The following MRC2 variants were observed in gnomAD, a reference collection of about 807,000 sequenced individuals.
The protein encoded by MRC2 is C-type mannose receptor 2.
MRC2 carries 84 observed loss-of-function variants against 206.2 expected under a neutral mutation model. That is an observed-to-expected ratio of 0.41 (90% CI 0.34 to 0.49). MRC2 has a LOEUF of 0.49. MRC2 is among the 20% of genes least tolerant of loss of function. MRC2 has a pLI of 0.31. For missense variants in MRC2, 1,676 were observed against 2,001.5 expected, an observed-to-expected ratio of 0.84 and a Z score of 3.10; for synonymous variants, 798 against 800.0, an observed-to-expected ratio of 1.00 and a Z score of 0.04.
chr17:62,657,784 C>T (rs956852914), intron 1 of MRC2, among the ~76,000 whole-genome samples: 4 of 152,206 alleles, frequency 2.6e-5, no homozygotes, highest in African/African-American at 9.6e-5. Flanking sequence ...CGCCTTTTCT[C>T]TTTCCCCAGC....
At chr17:62,627,984 G>A in intron 1 of MRC2, 64 bp downstream of exon 1, 3 of 1,125,410 alleles carry the variant, frequency 2.7e-6, no homozygotes, top group Non-Finnish European at 3.5e-6. Flanking sequence ...GGCGCGGGCC[G>A]CTCTCGACTT....
At position 62,692,411 on chromosome 17, in the gene MRC2, T is replaced by C. The variant is rs1599001606; in HGVS notation, c.4400T>C (p.Ile1467Thr). Residue 1467 changes from isoleucine (I) to threonine (T), a missense_variant, in exon 30 of 30, where the codon ATC becomes ACC. By Grantham distance (89) the Ile-to-Thr change is moderately conservative. Transcript: ENST00000303375. This position sits in a 1 kb window ranked among gnomAD's most constrained non-coding sequence, Gnocchi z 4.2. ...SSPTEATEKN[I>T]LVSDMEMNEQ... is the part of the protein sequence containing the mutation. ...CCCACCGAGGCCACTGAGAAGAACA[T>C]CCTGGTGTCAGACATGGAAATGAAT... 7 of 1,572,714 alleles carry C rather than the reference T, an allele frequency of 4.5e-6. No homozygotes were observed. In the East Asian group the frequency reaches 1.4e-4, roughly 31 times the overall value.
intron 1 of MRC2, among the ~76,000 whole-genome samples, chr17:62,650,420 C>T (rs1375322516): frequency 9.9e-5 from 15 of 152,182 alleles, no homozygotes; most frequent in Non-Finnish European, 4.4e-5. Flanking sequence ...CATGCTGCCT[C>T]GACTGGAAAT....
At chr17:62,689,132 C>T (rs2089068850) in intron 23 of MRC2, among the ~76,000 whole-genome samples, 172 bp downstream of exon 23, 1 of 152,110 alleles carries the variant, frequency 6.6e-6, no homozygotes, top group Non-Finnish European at 1.5e-5. Flanking sequence ...ATAGCACCCA[C>T]AGGTCTCAGG....
chr17:62,652,978 G>GCCC lies in MRC2; in HGVS notation c.119-11568_119-11566dup, dbSNP rs1568055332. The stretch of plus-strand genomic sequence containing the variant: ...ACTCCAAGAGCAGGTGGATCTGGGA[G>GCCC]CCCCAGATCCTGGGCACTGGGTTGG... On this transcript the variant is annotated intron_variant, in intron 1 of 29. Transcript: ENST00000303375. The surrounding 1 kb of genome is among the most constrained non-coding windows in gnomAD (Gnocchi z 4.6). Among the ~76,000 whole-genome samples the GCCC allele has an allele frequency of 2.4e-4, 36 of 152,202 alleles. No individual in the cohort carries two copies. Among genetic ancestry groups the GCCC allele is most frequent in the African/African-American group, 7.2e-4 (30 of 41,550 alleles).
rs1437966997 is a variant in MRC2, at chr17:62,688,487, T to G, written c.3062-14T>G. The G allele has an allele frequency of 6.8e-6, 11 of 1,614,080 alleles. No individual in the cohort carries two copies. The Admixed American group carries it at 1.8e-4, about 27-fold the overall frequency. ...ATAGCAGAGTCACTCACAACTGTCT[T>G]CTGGGGACCATAGCATTCATCACAG... On this transcript the variant is annotated splice_polypyrimidine_tract_variant and intron_variant, in intron 21 of 29. Transcript: ENST00000303375.
In MRC2 at chr17:62,664,815, A is replaced by T. The variant is rs764805904; in HGVS notation, c.386A>T (p.Gln129Leu). 2 of 1,613,904 alleles carry T rather than the reference A, an allele frequency of 1.2e-6. No individual in the cohort carries two copies. The highest frequency in any genetic ancestry group is 3.3e-5 in the Admixed American group (2 of 60,032). The change falls in exon 2 of 30, where the codon CAG becomes CTG. Residue 129 changes from glutamine (Q) to leucine (L), a missense_variant. By Grantham distance (113) the Gln-to-Leu change is moderately radical. Coordinates refer to ENST00000303375, the MANE Select transcript of MRC2 (RefSeq NM_006039.5). This position sits in a 1 kb window ranked among gnomAD's most constrained non-coding sequence, Gnocchi z 4.7. ...TGGCATTGTCGTACACTGGGTGACC[A>T]GCTGTCCTTGCTCCTGGGGGCCCGC... ...LRWHCRTLGD[Q>L]LSLLLGARTS... is the part of the protein sequence containing the mutation.
chr17:62,680,336 G>A lies in MRC2; in HGVS notation c.2437+28G>A, dbSNP rs1284944819. On this transcript the variant is annotated intron_variant, in intron 15 of 29. Coordinates refer to ENST00000303375, the MANE Select transcript of MRC2 (RefSeq NM_006039.5). The surrounding 1 kb of genome is among the most constrained non-coding windows in gnomAD (Gnocchi z 4.8). ...TGGCCGGAGTGGCGCTGGGGGACGC[G>A]GGATGGAGCGAAGGGTGGCGGGGCC... The A allele has an allele frequency of 6.2e-7, 1 of 1,613,610 alleles. No individual in the cohort carries two copies. Among genetic ancestry groups the A allele is most frequent in the Non-Finnish European group, 8.5e-7 (1 of 1,179,688 alleles).
chr17:62,637,667 T>A (rs972317161), intron 1 of MRC2, among the ~76,000 whole-genome samples: 1 of 152,142 alleles, frequency 6.6e-6, no homozygotes, highest in Non-Finnish European at 1.5e-5. Flanking sequence ...AGGCTTTTTT[T>A]CCCTGCCAGG....
intron 1 of MRC2, among the ~76,000 whole-genome samples, chr17:62,654,701 G>T (rs183313254): frequency 2.0e-5 from 3 of 152,288 alleles, no homozygotes; most frequent in Admixed American, 2.0e-4. Flanking sequence ...GGGAGAGGAG[G>T]CCTCAGTGAC....
intron 10 of MRC2, 152 bp downstream of exon 10, chr17:62,676,057 C>A: frequency 1.5e-6 from 1 of 689,182 alleles, no homozygotes; most frequent in Non-Finnish European, 2.4e-6. Context: ...AAAATCTTGT[C>A]AGAAGAATGA....
intron 1 of MRC2, among the ~76,000 whole-genome samples, chr17:62,639,769 C>CT (rs2088375578): frequency 6.6e-6 from 1 of 152,184 alleles, no homozygotes; most frequent in Admixed American, 6.5e-5. Flanking sequence ...GGACTACAGG[C>CT]TTGAGCCACA....
At chr17:62,665,641 C>T (rs1197202657) in intron 2 of MRC2, among the ~76,000 whole-genome samples, 1 of 152,158 alleles carries the variant, frequency 6.6e-6, no homozygotes, top group African/African-American at 2.4e-5. Context: ...GAATGGGGAC[C>T]AGAGTCACCA....
chr17:62,646,436 G>A (rs773627691), intron 1 of MRC2, among the ~76,000 whole-genome samples: 36 of 152,310 alleles, frequency 2.4e-4, no homozygotes, highest in Non-Finnish European at 4.0e-4. Flanking sequence ...GTGTTTATAG[G>A]TGTGATGCCA....
chr17:62,680,929 A>G lies in MRC2; in HGVS notation c.2603A>G (p.Glu868Gly). 6.2e-7 allele frequency: 1 copy of G among 1,613,130 alleles called. No individual in the cohort carries two copies. The highest frequency in any genetic ancestry group is 1.1e-5 in the South Asian group (1 of 91,070). ...AELTSVHSQA[E>G]LDFLSHNLQK... ...CTGACCTCGGTGCACAGCCAGGCGG[A>G]GCTAGACTTCCTGAGCCACAACTTG... The change falls in exon 17 of 30, where the codon GAG becomes GGG. Residue 868 changes from glutamate to glycine, a missense_variant. Coordinates refer to ENST00000303375, the MANE Select transcript of MRC2 (RefSeq NM_006039.5). The surrounding 1 kb of genome is among the most constrained non-coding windows in gnomAD (Gnocchi z 4.8).
chr17:62,684,250 A>G (rs781022317), intron 20 of MRC2, among the ~76,000 whole-genome samples: 4 of 152,208 alleles, frequency 2.6e-5, no homozygotes, highest in African/African-American at 7.2e-5. Context: ...AAGTTCATCC[A>G]TCATTTCTAA....
At chr17:62,656,446 C>T (rs1048636161) in intron 1 of MRC2, among the ~76,000 whole-genome samples, 1 of 152,242 alleles carries the variant, frequency 6.6e-6, no homozygotes, top group Admixed American at 6.5e-5. Context: ...CCCACCTTAG[C>T]CTTTCAAAGT....
At chr17:62,690,357 C>T (rs763450864) in intron 26 of MRC2, 52 bp downstream of exon 26, 11 of 1,558,150 alleles carry the variant, frequency 7.1e-6, no homozygotes, top group South Asian at 2.4e-5. Flanking sequence ...CACCTCCTCT[C>T]GTGGGCACTC....
chr17:62,683,498 C>A (rs944868720), intron 20 of MRC2, among the ~76,000 whole-genome samples: 84 of 131,816 alleles, frequency 6.4e-4, no homozygotes, highest in African/African-American at 2.1e-3. Flanking sequence ...AAAAAAACAA[C>A]AAAAAAAACA....
Sources: gnomAD v4.1 joint callset for allele counts (sites outside exome capture counted in the v4.1 genomes callset) on GRCh38, gnomAD v4.1.1 for gene constraint, Gnocchi (gnomAD v3.1) non-coding constraint, MANE v1.5 for transcripts, NCBI Gene and HGNC (gene_info 2026-07-23, HGNC 2026-07-21) for gene names.